DYRK1A: variants seen among roughly 807,000 people sequenced by gnomAD.
DYRK1A encodes dual specificity tyrosine-phosphorylation-regulated kinase 1A.
In DYRK1A, 9 loss-of-function variants were observed where a neutral mutation model predicts 79.7. The ratio of observed to expected loss-of-function variants is 0.11; its 90% CI spans 0.07 to 0.20. DYRK1A has a LOEUF of 0.20. Ranked by LOEUF, DYRK1A falls within the 10% of genes least tolerant of loss-of-function variation. The probability of loss-of-function intolerance (pLI) is 1.00; values close to 1 mark genes in which losing one functional copy is unlikely to be tolerated. For missense variants in DYRK1A, 622 were observed against 956.0 expected (o/e 0.65, Z 4.61); for synonymous variants, 349 against 329.7 (o/e 1.06, Z -0.63).
At chr21:37,379,137 TTA>T (rs2049607320) in intron 1 of DYRK1A, among the ~76,000 whole-genome samples, 1 of 152,024 alleles carries the variant, frequency 6.6e-6, no homozygotes, top group Non-Finnish European at 1.5e-5. Context: ...GGGTTGAGTC[TTA>T]ATATTATAAA....
intron 3 of DYRK1A, 84 bp from the exon 4 acceptor site, chr21:37,478,124 C>T: frequency 1.9e-6 from 3 of 1,577,784 alleles, no homozygotes; most frequent in African/African-American, 1.4e-5. Context: ...ATGCAGGTTA[C>T]AGAAGAGGGA....
intron 5 of DYRK1A, among the ~76,000 whole-genome samples, chr21:37,485,613 T>C (rs1383514336): frequency 6.6e-6 from 1 of 152,210 alleles, no homozygotes; most frequent in African/African-American, 2.4e-5. Flanking sequence ...TCTAAAAGAA[T>C]TACTTATTCA....
intron 1 of DYRK1A, among the ~76,000 whole-genome samples, chr21:37,377,234 C>G (rs1031344865): frequency 8.5e-5 from 13 of 152,174 alleles, no homozygotes; most frequent in African/African-American, 2.9e-4. Flanking sequence ...ATTCTCCTAT[C>G]TCAGCCTCCC....
In DYRK1A at chr21:37,434,981, A is replaced by G. The variant is rs561026792; in HGVS notation, c.10+14597A>G. On this transcript the variant is annotated intron_variant, in intron 2 of 11. Coordinates refer to ENST00000647188, the MANE Select transcript of DYRK1A (RefSeq NM_001347721.2). The stretch of plus-strand genomic sequence containing the variant: ...GGCAGCATCTGTTAGAAAAACTCAC[A>G]TGTCTATATAGTAAAAAGTTAAAAT... Among the ~76,000 whole-genome samples, 63 of 152,324 alleles carry G rather than the reference A, an allele frequency of 4.1e-4. 1 individual carries two copies. Among genetic ancestry groups the G allele is most frequent in the Non-Finnish European group, 8.8e-5 (6 of 68,020 alleles).
chr21:37,492,594 C>T (rs1041026135), intron 7 of DYRK1A, among the ~76,000 whole-genome samples: 6 of 152,076 alleles, frequency 3.9e-5, no homozygotes, highest in African/African-American at 1.4e-4. Flanking sequence ...TGACTTTTAA[C>T]GCTGAGAAAT....
At chr21:37,477,250 A>G (rs986613336) in intron 3 of DYRK1A, among the ~76,000 whole-genome samples, 4 of 152,172 alleles carry the variant, frequency 2.6e-5, no homozygotes, top group African/African-American at 9.7e-5. Flanking sequence ...CTCATTTCCC[A>G]GCACAAATGT....
chr21:37,450,215 A>C (rs1241767254), intron 2 of DYRK1A, among the ~76,000 whole-genome samples: 2 of 152,186 alleles, frequency 1.3e-5, no homozygotes, highest in Non-Finnish European at 2.9e-5. Context: ...CCAGGGAGGT[A>C]AGGTAGGAGA....
At chr21:37,421,583 C>G (rs1357138337) in intron 2 of DYRK1A, among the ~76,000 whole-genome samples, 1 of 152,046 alleles carries the variant, frequency 6.6e-6, no homozygotes, top group East Asian at 1.9e-4. Flanking sequence ...TGTATGTTTG[C>G]CTGTACATAT....
At chr21:37,400,253 C>G (rs980327306) in intron 1 of DYRK1A, among the ~76,000 whole-genome samples, 1 of 152,172 alleles carries the variant, frequency 6.6e-6, no homozygotes, top group East Asian at 1.9e-4. Context: ...GCATTTAGGG[C>G]CCACCTTGAT....
chr21:37,508,756 C>T (rs186463374), intron 11 of DYRK1A, among the ~76,000 whole-genome samples: 1 of 152,250 alleles, frequency 6.6e-6, no homozygotes, highest in African/African-American at 2.4e-5. Context: ...GTGTAATATG[C>T]CACATTCTCT....
At chr21:37,398,501 G>A (rs922731467) in intron 1 of DYRK1A, among the ~76,000 whole-genome samples, 6 of 152,276 alleles carry the variant, frequency 3.9e-5, no homozygotes, top group South Asian at 4.1e-4. Flanking sequence ...TCTTGATTTT[G>A]CGTAATTAAA....
chr21:37,383,128 A>C (rs886516080), intron 1 of DYRK1A, among the ~76,000 whole-genome samples: 1 of 152,180 alleles, frequency 6.6e-6, no homozygotes, highest in Non-Finnish European at 1.5e-5. Context: ...GTGCTTGCCT[A>C]CCTCAGAGGC....
rs1386193621 is a variant in DYRK1A, at chr21:37,403,677, G to A, written c.-76-16622G>A. On this transcript the variant is annotated intron_variant, in intron 1 of 11. Coordinates refer to ENST00000647188, the MANE Select transcript of DYRK1A (RefSeq NM_001347721.2). ...TATATATATATATGTGTGTGTGTGT[G>A]TGTGTGTGTGTGTGTGTGTGTGTTC... Among the ~76,000 whole-genome samples, 36 of 146,490 alleles carry A rather than the reference G, an allele frequency of 2.5e-4. No individual in the cohort carries two copies. In the East Asian group the frequency reaches 2.5e-3, roughly 10 times the overall value.
intron 2 of DYRK1A, among the ~76,000 whole-genome samples, chr21:37,443,429 A>T (rs2835744): frequency 0.26 from 39,049 of 151,966 alleles, 5,912 homozygotes; most frequent in East Asian, 0.48. Flanking sequence ...GCGTACCTGG[A>T]CATTTTTTAT....
chr21:37,499,669 A>G (rs2053381350), intron 9 of DYRK1A, among the ~76,000 whole-genome samples: 1 of 151,424 alleles, frequency 6.6e-6, no homozygotes, highest in African/African-American at 2.5e-5. Context: ...TTAATTTTTT[A>G]GATGCTATTT....
rs144579379 is a variant in DYRK1A at position 37,518,664 on chromosome 21, G to T, written c.*6133G>T. 8.1e-4 allele frequency: 116 copies of T among 143,836 alleles called. No individual in the cohort carries two copies. Among genetic ancestry groups the T allele is most frequent in the African/African-American group, 3.0e-3 (115 of 38,198 alleles). The allele number at this position is 143,836 out of a possible 1,614,324, so 8.9% of individuals were successfully genotyped here. A position where few individuals can be genotyped will look rare whatever the true frequency, so the allele number is the denominator to read the frequency against. On this transcript the variant is annotated 3_prime_UTR_variant, in exon 12 of 12. Transcript: ENST00000647188. ...ACAGTCTTGCTTTGTCTCCCAGGTT[G>T]GTGTGCAGGGGTGTGATCTCGGCTC...
At chr21:37,494,209 A>T (rs866171373) in intron 8 of DYRK1A, among the ~76,000 whole-genome samples, 2 of 150,188 alleles carry the variant, frequency 1.3e-5, no homozygotes, top group African/African-American at 2.4e-5. Context: ...ATTCATTTCA[A>T]CTTGAACTGG....
At chr21:37,475,788 A>G (rs941340404) in intron 3 of DYRK1A, among the ~76,000 whole-genome samples, 2 of 152,116 alleles carry the variant, frequency 1.3e-5, no homozygotes, top group African/African-American at 4.8e-5. Flanking sequence ...TATGTACTGT[A>G]TATTTGAAAT....
At chr21:37,375,571 G>C (rs1399877942) in intron 1 of DYRK1A, among the ~76,000 whole-genome samples, 1 of 130,948 alleles carries the variant, frequency 7.6e-6, no homozygotes, top group Non-Finnish European at 1.6e-5. Flanking sequence ...TGTCACCCAG[G>C]CTGGAGTGCA....
Sources: gnomAD v4.1 joint callset for allele counts (sites outside exome capture counted in the v4.1 genomes callset) on GRCh38, gnomAD v4.1.1 for gene constraint, MANE v1.5 for transcripts, NCBI Gene and HGNC (gene_info 2026-07-23, HGNC 2026-07-21) for gene names.